The following IL1RAPL2 variants were observed in gnomAD, a reference collection of about 807,000 sequenced individuals.
The protein encoded by IL1RAPL2 is X-linked interleukin-1 receptor accessory protein-like 2.
Under a neutral mutation model 44.1 loss-of-function variants are expected in IL1RAPL2, and 3 were observed. The observed-to-expected ratio is 0.07, with a 90% CI of 0.03 to 0.18. IL1RAPL2 has a LOEUF of 0.18. IL1RAPL2 is among the 10% of genes least tolerant of loss of function. The pLI is 1.00. For synonymous variants in IL1RAPL2, 181 were observed against 178.8 expected (o/e 1.01, Z -0.10); for missense variants, 391 against 496.4 (o/e 0.79, Z 2.02).
At chrX:105,231,763 C>G (rs1464013594) in intron 3 of IL1RAPL2, among the ~76,000 whole-genome samples, 1 of 111,924 alleles carries the variant, frequency 8.9e-6, no homozygotes, top group Non-Finnish European at 1.9e-5. Flanking sequence ...TGGCTGCACC[C>G]TAATGAGTAA....
intron 1 of IL1RAPL2, among the ~76,000 whole-genome samples, chrX:104,628,098 T>C (rs1243297105): frequency 1.8e-5 from 2 of 111,657 alleles, no homozygotes; most frequent in Middle Eastern, 4.2e-3. Context: ...GGGGTACATG[T>C]GATATTTTGT....
intron 5 of IL1RAPL2, among the ~76,000 whole-genome samples, chrX:105,396,779 A>T (rs1363458593): frequency 9.1e-6 from 1 of 109,708 alleles, no homozygotes; most frequent in Non-Finnish European, 1.9e-5. Context: ...AATTTCAATG[A>T]GACTAATAGT....
At chrX:104,813,240 A>G (rs1020410103) in intron 2 of IL1RAPL2, among the ~76,000 whole-genome samples, 1 of 111,325 alleles carries the variant, frequency 9.0e-6, no homozygotes, top group African/African-American at 3.3e-5. Context: ...GATGGGGAGA[A>G]GGGATTGCTT....
At chrX:104,841,898 G>A (rs1921911363) in intron 2 of IL1RAPL2, among the ~76,000 whole-genome samples, 1 of 109,960 alleles carries the variant, frequency 9.1e-6, no homozygotes, top group Non-Finnish European at 1.9e-5. Flanking sequence ...GTATCTTGGT[G>A]GTGTTCTCTG....
chrX:105,576,013 TG>T (rs1281511894), intron 6 of IL1RAPL2, among the ~76,000 whole-genome samples: 1 of 111,718 alleles, frequency 9.0e-6, no homozygotes. Flanking sequence ...CACTTTTTAA[TG>T]GGGTTGTTTT....
chrX:105,065,105 TA>T (rs919921569), intron 2 of IL1RAPL2, among the ~76,000 whole-genome samples: 3 of 112,341 alleles, frequency 2.7e-5, no homozygotes, highest in African/African-American at 9.7e-5. Context: ...TCAAATATAA[TA>T]GTTGCATTTG....
Position 104,982,744 on chromosome X carries a change from A to T in IL1RAPL2, c.83-212731A>T, listed in dbSNP as rs2030465604. 2.4e-4 allele frequency among the ~76,000 whole-genome samples: 3 copies of T among 12,445 alleles called. 1 individual carries two copies. In the Admixed American group the frequency reaches 3.8e-3, roughly 16 times the overall value. The allele number at this position is 12,445 out of a possible 115,157, so 10.8% of individuals were successfully genotyped here. On this transcript the variant is annotated intron_variant, in intron 2 of 10. Transcript: ENST00000372582. Reference sequence around the variant, plus strand: ...TTGTTAAAAATGTATTGTTAAACATATATTGCGTTTTCTGGAACAGGAAAC... The same window carrying T: ...TTGTTAAAAATGTATTGTTAAACATTTATTGCGTTTTCTGGAACAGGAAAC...
At chrX:105,729,903 AGGAAGGAAGGAAGGAAGGAG>A (rs2038388379) in intron 7 of IL1RAPL2, among the ~76,000 whole-genome samples, 1 of 75,884 alleles carries the variant, frequency 1.3e-5, no homozygotes, top group Non-Finnish European at 2.3e-5. Flanking sequence ...GAAGGAAGGA[AGGAAGGAAGGAAGGAAGGAG>A]GGAGGGAGGG....
At chrX:105,027,748 C>T (rs1239895223) in intron 2 of IL1RAPL2, among the ~76,000 whole-genome samples, 2 of 111,209 alleles carry the variant, frequency 1.8e-5, no homozygotes, top group African/African-American at 6.5e-5. Flanking sequence ...ATTAGTATAA[C>T]CACTATGAAG....
At chrX:105,157,029 C>T (rs1249022608) in intron 2 of IL1RAPL2, among the ~76,000 whole-genome samples, 1 of 106,281 alleles carries the variant, frequency 9.4e-6, no homozygotes, top group Non-Finnish European at 1.9e-5. Flanking sequence ...GTCTCTTTCT[C>T]CCATCTATAA....
At chrX:105,258,621 G>A (rs947075752) in intron 4 of IL1RAPL2, among the ~76,000 whole-genome samples, 3 of 111,836 alleles carry the variant, frequency 2.7e-5, no homozygotes, top group Non-Finnish European at 3.8e-5. Flanking sequence ...TGCATGTTTT[G>A]TTCATTCCTT....
chrX:105,129,512 C>T (rs761955313), intron 2 of IL1RAPL2, among the ~76,000 whole-genome samples: 24 of 110,462 alleles, frequency 2.2e-4, no homozygotes, highest in African/African-American at 7.5e-4. Context: ...TTTGTCTCAT[C>T]CCCCTGCTGA....
chrX:105,706,330 G>C (rs1383060474), intron 6 of IL1RAPL2, among the ~76,000 whole-genome samples: 1 of 112,097 alleles, frequency 8.9e-6, no homozygotes, highest in African/African-American at 3.2e-5. Context: ...AGAAAAAAAT[G>C]CACATTACAT....
Position 105,329,619 on chromosome X carries a change from G to A in IL1RAPL2, c.697+62078G>A, listed in dbSNP as rs147274655. Among the ~76,000 whole-genome samples, 587 of 111,429 alleles carry A rather than the reference G, an allele frequency of 5.3e-3. 5 individuals are homozygous for A. Among genetic ancestry groups the A allele is most frequent in the African/African-American group, 0.018 (545 of 30,727 alleles). ...TTCAAATGCATTGTGAAGAATTAAGGTCTATTTTTATGAGGATGACAGTGA... is the reference window on the plus strand; with the variant it reads ...TTCAAATGCATTGTGAAGAATTAAGATCTATTTTTATGAGGATGACAGTGA... On this transcript the variant is annotated intron_variant, in intron 5 of 10. Transcript: ENST00000372582.
At chrX:105,590,849 T>TGTGTGTGTGTGTGTG (rs1569456765) in intron 6 of IL1RAPL2, among the ~76,000 whole-genome samples, 10 of 80,794 alleles carry the variant, frequency 1.2e-4, no homozygotes, top group African/African-American at 4.9e-4. Context: ...GTGTGTGTGT[T>TGTGTGTGTGTGTGTG]TGTGTGTGTT....
intron 5 of IL1RAPL2, among the ~76,000 whole-genome samples, chrX:105,409,884 G>T (rs1197651788): frequency 1.9e-5 from 2 of 107,429 alleles, no homozygotes; most frequent in African/African-American, 3.4e-5. Context: ...AGAGTGTGGG[G>T]GGGGGGTTGG....
intron 5 of IL1RAPL2, among the ~76,000 whole-genome samples, chrX:105,349,586 T>C (rs2035137145): frequency 8.9e-6 from 1 of 111,967 alleles, no homozygotes; most frequent in Admixed American, 9.5e-5. Context: ...AATTTTCTTT[T>C]GAAAGGTTTG....
chrX:105,224,726 T>C (rs1456888061), intron 3 of IL1RAPL2, among the ~76,000 whole-genome samples: 1 of 111,913 alleles, frequency 8.9e-6, no homozygotes, highest in African/African-American at 3.2e-5. Context: ...AAATAACATA[T>C]TGACAGATGC....
intron 5 of IL1RAPL2, among the ~76,000 whole-genome samples, chrX:105,463,883 T>G (rs1046640177): frequency 4.4e-5 from 5 of 112,483 alleles, no homozygotes; most frequent in Non-Finnish European, 9.4e-5. Context: ...ATTCTAGTAC[T>G]TGGCATATCC....
Sources: allele counts gnomAD v4.1 joint callset (sites outside exome capture counted in the v4.1 genomes callset), GRCh38; gene constraint gnomAD v4.1.1; transcripts MANE v1.5; gene names NCBI Gene and HGNC (gene_info 2026-07-23, HGNC 2026-07-21).